ACVR1C: variants seen among roughly 807,000 people sequenced by gnomAD.
ACVR1C encodes activin A receptor type 1C.
A neutral mutation model predicts 57.9 loss-of-function variants in ACVR1C; 23 were observed. That is an observed-to-expected ratio of 0.40 (90% CI 0.29 to 0.56). The LOEUF is 0.56. ACVR1C is among the 20% of genes least tolerant of loss of function. The pLI, the probability that ACVR1C is intolerant of heterozygous loss-of-function variation, is 0.50. For synonymous variants in ACVR1C, 214 were observed against 215.3 expected (o/e 0.99, Z 0.05); for missense variants, 480 against 607.9 (o/e 0.79, Z 2.21).
chr2:157,572,379 TA>T (rs552511395), intron 2 of ACVR1C, among the ~76,000 whole-genome samples: 12,177 of 136,676 alleles, frequency 0.089, 611 homozygotes, highest in East Asian at 0.25. Context: ...AAAAAAAAAT[TA>T]AAAAAAAAAA....
rs541759774 is a variant in ACVR1C at position 157,619,766 on chromosome 2, G to A, written c.73+8806C>T. Among the ~76,000 whole-genome samples the A allele has an allele frequency of 1.8e-4, 28 of 152,022 alleles. No individual in the cohort carries two copies. The South Asian group carries it at 5.6e-3, about 30-fold the overall frequency. On this transcript the variant is annotated intron_variant, in intron 1 of 8. Transcript: ENST00000243349. Reference sequence around the variant, plus strand: ...AAATAATGAAGAGAAGAAAATAACTGACAACAAACAGAGAAAATAAATAAA... The same window carrying A: ...AAATAATGAAGAGAAGAAAATAACTAACAACAAACAGAGAAAATAAATAAA...
intron 1 of ACVR1C, among the ~76,000 whole-genome samples, chr2:157,613,870 C>T (rs796320451): frequency 9.2e-5 from 14 of 152,234 alleles, no homozygotes; most frequent in African/African-American, 3.4e-4. Flanking sequence ...ATACTGGTTT[C>T]ATAAAATGAG....
chr2:157,613,002 C>G (rs1358968564), intron 1 of ACVR1C, among the ~76,000 whole-genome samples: 1 of 152,176 alleles, frequency 6.6e-6, no homozygotes, highest in Non-Finnish European at 1.5e-5. Flanking sequence ...CGCAGAGTCT[C>G]TAAATCATTG....
intron 1 of ACVR1C, among the ~76,000 whole-genome samples, chr2:157,607,170 A>G (rs1437476119): frequency 6.6e-6 from 1 of 151,824 alleles, no homozygotes; most frequent in African/African-American, 2.4e-5. Context: ...TCATTGGTCT[A>G]TGTGTCTATT....
chr2:157,537,337 A>C (rs994635870), intron 8 of ACVR1C, among the ~76,000 whole-genome samples: 1 of 151,958 alleles, frequency 6.6e-6, no homozygotes, highest in Non-Finnish European at 1.5e-5. Context: ...ACTAGTTTTC[A>C]TTCTATTATA....
rs187368496 is a variant in ACVR1C at position 157,549,229 on chromosome 2, C to T, written c.775+933G>A. ...AATTAGCCAGGCATGGTGGCAGGCA[C>T]CTGTAGTTCCAGCTACTTGGGATTA... On this transcript the variant is annotated intron_variant, in intron 4 of 8. Transcript: ENST00000243349. Among the ~76,000 whole-genome samples, 26 of 152,192 alleles carry T rather than the reference C, an allele frequency of 1.7e-4. No homozygotes were observed. In the East Asian group the frequency reaches 4.1e-3, roughly 24 times the overall value.
At chr2:157,584,909 G>A (rs997227739) in intron 2 of ACVR1C, among the ~76,000 whole-genome samples, 3 of 152,156 alleles carry the variant, frequency 2.0e-5, no homozygotes, top group African/African-American at 7.2e-5. Context: ...AATAAAAGGA[G>A]TAAACTACTG....
chr2:157,604,647 C>T (rs1682354713), intron 1 of ACVR1C, among the ~76,000 whole-genome samples: 1 of 151,784 alleles, frequency 6.6e-6, no homozygotes. Context: ...CATAGAATTG[C>T]CAAAGTGTTT....
chr2:157,608,212 CAA>C (rs1398114169), intron 1 of ACVR1C, among the ~76,000 whole-genome samples: 1 of 151,786 alleles, frequency 6.6e-6, no homozygotes, highest in African/African-American at 2.4e-5. Context: ...TAAATTTTAT[CAA>C]ATACTTTTTC....
chr2:157,538,450 A>G (rs1573902417), intron 8 of ACVR1C, 123 bp downstream of exon 8: 4 of 966,134 alleles, frequency 4.1e-6, no homozygotes, highest in Non-Finnish European at 5.6e-6. Flanking sequence ...CTGAAGACTT[A>G]TAAAAAGACG....
intron 1 of ACVR1C, among the ~76,000 whole-genome samples, chr2:157,626,125 T>C (rs1682889980): frequency 6.6e-6 from 1 of 152,174 alleles, no homozygotes; most frequent in Non-Finnish European, 1.5e-5. Context: ...CCACCAGAAC[T>C]GGCTAATTGT....
At position 157,620,647 on chromosome 2, in the gene ACVR1C, G is replaced by C. The variant is rs183205772; in HGVS notation, c.73+7925C>G. On this transcript the variant is annotated intron_variant, in intron 1 of 8. Coordinates refer to ENST00000243349, the MANE Select transcript of ACVR1C (RefSeq NM_145259.3). Reference sequence around the variant, plus strand: ...TTGACACATAATTGTATATATTTATGGGATACAATGTGATGTTTTGATACA... The same window carrying C: ...TTGACACATAATTGTATATATTTATCGGATACAATGTGATGTTTTGATACA... Among the ~76,000 whole-genome samples the C allele has an allele frequency of 6.1e-3, 932 of 152,036 alleles. 11 individuals carry two copies. Among genetic ancestry groups the C allele is most frequent in the African/African-American group, 0.021 (858 of 41,476 alleles).
At chr2:157,596,955 C>T (rs1259290701) in intron 1 of ACVR1C, among the ~76,000 whole-genome samples, 2 of 152,052 alleles carry the variant, frequency 1.3e-5, no homozygotes, top group Non-Finnish European at 2.9e-5. Context: ...CTGTGAGCTG[C>T]GTTGGGACAC....
At chr2:157,554,233 AAG>A (rs1558974935) in intron 3 of ACVR1C, among the ~76,000 whole-genome samples, 1 of 131,240 alleles carries the variant, frequency 7.6e-6, no homozygotes, top group African/African-American at 3.8e-5. Flanking sequence ...GAAAGAAAGA[AAG>A]AAAGAAAGAA....
chr2:157,529,457 A>C lies in ACVR1C; in HGVS notation c.*4461T>G, dbSNP rs747415653. 5 of 152,122 alleles carry C rather than the reference A, an allele frequency of 3.3e-5. No individual in the cohort carries two copies. Among genetic ancestry groups the C allele is most frequent in the Non-Finnish European group, 4.4e-5 (3 of 67,998 alleles). 9.4% of individuals were successfully genotyped at this position (152,122 alleles called of 1,614,324 possible). On this transcript the variant is annotated 3_prime_UTR_variant, in exon 9 of 9. Coordinates refer to ENST00000243349, the MANE Select transcript of ACVR1C (RefSeq NM_145259.3). ...TGGCACATTACGTTAGTGTGCATTCAAGGTAGGTTTAGATGCATGCGAATT... is the reference window on the plus strand; with the variant it reads ...TGGCACATTACGTTAGTGTGCATTCCAGGTAGGTTTAGATGCATGCGAATT...
chr2:157,564,552 C>T (rs1688315215), intron 2 of ACVR1C, among the ~76,000 whole-genome samples: 1 of 152,284 alleles, frequency 6.6e-6, no homozygotes, highest in East Asian at 1.9e-4. Context: ...TGTGGCAATT[C>T]CTCAAGGATC....
intron 2 of ACVR1C, among the ~76,000 whole-genome samples, chr2:157,562,233 G>T (rs1688249459): frequency 6.6e-6 from 1 of 150,676 alleles, no homozygotes; most frequent in Non-Finnish European, 1.5e-5. Context: ...AGGTAGAGGT[G>T]GCAGTGAGCT....
intron 1 of ACVR1C, among the ~76,000 whole-genome samples, chr2:157,599,100 C>T (rs1682210686): frequency 6.6e-6 from 1 of 151,644 alleles, no homozygotes; most frequent in Non-Finnish European, 1.5e-5. Context: ...TTTGGGAGGA[C>T]GAGGCAGGCG....
At chr2:157,617,747 A>G (rs899114272) in intron 1 of ACVR1C, among the ~76,000 whole-genome samples, 49 of 152,008 alleles carry the variant, frequency 3.2e-4, no homozygotes, top group Admixed American at 6.6e-5. Context: ...AGAAGATAAC[A>G]TATATTAATG....
Sources: gnomAD v4.1 joint callset for allele counts (sites outside exome capture counted in the v4.1 genomes callset) on GRCh38, gnomAD v4.1.1 for gene constraint, MANE v1.5 for transcripts, NCBI Gene and HGNC (gene_info 2026-07-23, HGNC 2026-07-21) for gene names.